The following KIAA1549 variants were observed in gnomAD, a reference collection of about 807,000 sequenced individuals.
KIAA1549 encodes KIAA1549.
Under a neutral mutation model 156.4 loss-of-function variants are expected in KIAA1549, and 70 were observed. That is an observed-to-expected ratio of 0.45 (90% confidence interval 0.37 to 0.55). KIAA1549 has a LOEUF of 0.55. Ranked by LOEUF, KIAA1549 falls within the 20% of genes least tolerant of loss-of-function variation. The pLI is 0.00. For synonymous variants in KIAA1549, 1,103 were observed against 1,066.4 expected, an observed-to-expected ratio of 1.03 and a Z score of -0.67; for missense variants, 2,428 against 2,540.9, an observed-to-expected ratio of 0.96 and a Z score of 0.96.
chr7:138,969,965 T>G (rs1814169758), intron 1 of KIAA1549, among the ~76,000 whole-genome samples: 1 of 152,240 alleles, frequency 6.6e-6, no homozygotes, highest in Non-Finnish European at 1.5e-5. Context: ...TTATCCTTTG[T>G]GTTACAAACA....
intron 18 of KIAA1549, among the ~76,000 whole-genome samples, chr7:138,842,316 C>T (rs1274887576): frequency 2.6e-5 from 4 of 152,168 alleles, no homozygotes; most frequent in Non-Finnish European, 4.4e-5. Flanking sequence ...GCTCAGCCAT[C>T]GACAAGCCAT....
intron 15 of KIAA1549, among the ~76,000 whole-genome samples, chr7:138,863,492 G>A (rs1202112046): frequency 1.3e-5 from 2 of 152,118 alleles, no homozygotes; most frequent in Non-Finnish European, 1.5e-5. Flanking sequence ...ACTCCAAACT[G>A]AGAGAGGACC....
At chr7:138,882,090 A>T (rs1334202898) in intron 10 of KIAA1549, among the ~76,000 whole-genome samples, 1 of 152,258 alleles carries the variant, frequency 6.6e-6, no homozygotes, top group Non-Finnish European at 1.5e-5. Flanking sequence ...CAAAAACGCC[A>T]GCTTCTGGAG....
chr7:138,844,180 A>T, intron 18 of KIAA1549, 137 bp downstream of exon 18: 3 of 954,326 alleles, frequency 3.1e-6, no homozygotes, highest in East Asian at 2.6e-5. Context: ...CATCTCGGTC[A>T]GGATATGAGG....
chr7:138,878,323 C>T (rs375657536), intron 12 of KIAA1549, among the ~76,000 whole-genome samples: 21 of 152,250 alleles, frequency 1.4e-4, no homozygotes, highest in Non-Finnish European at 2.1e-4. Flanking sequence ...GAGCCACCCG[C>T]GAGGCCACAA....
At chr7:138,968,675 G>A (rs1035879914) in intron 1 of KIAA1549, among the ~76,000 whole-genome samples, 4 of 150,922 alleles carry the variant, frequency 2.7e-5, no homozygotes, top group African/African-American at 7.3e-5. Flanking sequence ...GTGAAACCCC[G>A]TCTCTACTAA....
In KIAA1549 at chr7:138,871,336, C is replaced by T. The variant is rs781740183; in HGVS notation, c.4372G>A (p.Glu1458Lys). Residue 1458 changes from glutamate to lysine, a missense_variant, in exon 13 of 20, where the codon GAG (glutamate) becomes AAG (lysine). Around this residue, in one of 5 missense-constraint regions of KIAA1549, gnomAD observed 404 missense variants for 417.0 expected, o/e 0.97. Coordinates refer to ENST00000422774, the MANE Select transcript of KIAA1549 (RefSeq NM_001164665.2). The part of the protein sequence containing the change: ...SGPPLPSSGN[E>K]QHSSASIFEH... ...AAGATGGAGGCTGATGAGTGCTGCTCATTTCCCGAACTGGGCAGTGGTGGC... is the reference window on the plus strand; with the variant it reads ...AAGATGGAGGCTGATGAGTGCTGCTTATTTCCCGAACTGGGCAGTGGTGGC... 3.5e-5 allele frequency: 55 copies of T among 1,571,308 alleles called. No homozygotes were observed. In the East Asian group the frequency reaches 1.0e-3, roughly 29 times the overall value.
At chr7:138,956,461 T>G (rs1347489811) in intron 1 of KIAA1549, among the ~76,000 whole-genome samples, 2 of 152,314 alleles carry the variant, frequency 1.3e-5, no homozygotes, top group Non-Finnish European at 2.9e-5. Context: ...AATTCCCATG[T>G]GTTGTGGGAG....
Position 138,931,074 on chromosome 7 carries a change from G to A in KIAA1549, c.188-11636C>T, listed in dbSNP as rs79326760. 6.5e-3 allele frequency among the ~76,000 whole-genome samples: 984 copies of A among 152,294 alleles called. 5 individuals carry two copies. Among genetic ancestry groups the A allele is most frequent in the African/African-American group, 0.022 (926 of 41,562 alleles). ...AGGAGAGGGAGAGAGACAGGAGAAC[G>A]ACTGGTGAGTTGAGCAGTTAGGACA... On this transcript the variant is annotated intron_variant, in intron 1 of 19. Coordinates refer to ENST00000422774, the MANE Select transcript of KIAA1549 (RefSeq NM_001164665.2).
At chr7:138,974,580 C>T (rs1814316056) in intron 1 of KIAA1549, among the ~76,000 whole-genome samples, 1 of 151,810 alleles carries the variant, frequency 6.6e-6, no homozygotes, top group South Asian at 2.1e-4. Context: ...CACTACCATG[C>T]CTGGCTATTT....
chr7:138,891,603 A>T (rs10276654), intron 10 of KIAA1549, among the ~76,000 whole-genome samples: 1 of 152,326 alleles, frequency 6.6e-6, no homozygotes, highest in East Asian at 1.9e-4. Context: ...ACTCCCAGAC[A>T]ATCTGAAGAG....
chr7:138,950,025 A>G (rs1049753426), intron 1 of KIAA1549, among the ~76,000 whole-genome samples: 3 of 152,202 alleles, frequency 2.0e-5, no homozygotes, highest in African/African-American at 7.2e-5. Context: ...ATGAGCTAAC[A>G]CTTCGTGGTC....
chr7:138,940,148 A>G (rs6962941), intron 1 of KIAA1549, among the ~76,000 whole-genome samples: 2 of 151,714 alleles, frequency 1.3e-5, no homozygotes, highest in Admixed American at 1.3e-4. Flanking sequence ...ATATCTCCCA[A>G]TGCTATCCCT....
At chr7:138,960,663 G>A (rs1045096052) in intron 1 of KIAA1549, among the ~76,000 whole-genome samples, 5 of 152,168 alleles carry the variant, frequency 3.3e-5, no homozygotes, top group African/African-American at 9.7e-5. Flanking sequence ...CACCAGCAAA[G>A]GGCTGAACCT....
intron 1 of KIAA1549, among the ~76,000 whole-genome samples, chr7:138,943,083 C>T (rs955791283): frequency 1.3e-5 from 2 of 152,166 alleles, no homozygotes; most frequent in East Asian, 1.9e-4. Context: ...CCCTCCACCG[C>T]GAGGAAGCTA....
chr7:138,939,279 G>A (rs1436814969), intron 1 of KIAA1549, among the ~76,000 whole-genome samples: 1 of 152,036 alleles, frequency 6.6e-6, no homozygotes, highest in Non-Finnish European at 1.5e-5. Context: ...TTCAAACTTG[G>A]TTTTCCTTGG....
intron 15 of KIAA1549, among the ~76,000 whole-genome samples, chr7:138,865,812 T>C (rs535962808): frequency 1.3e-5 from 2 of 152,204 alleles, no homozygotes; most frequent in East Asian, 3.9e-4. Context: ...TTCCTCCCCA[T>C]ACAAAACTCA....
At chr7:138,909,892 A>G (rs1026795202) in intron 4 of KIAA1549, among the ~76,000 whole-genome samples, 13 of 152,178 alleles carry the variant, frequency 8.5e-5, no homozygotes, top group Non-Finnish European at 1.0e-4. Flanking sequence ...GGTTGCAGTG[A>G]GCAGAGATCG....
At chr7:138,905,554 T>C (rs1265457236) in intron 6 of KIAA1549, among the ~76,000 whole-genome samples, 1 of 152,232 alleles carries the variant, frequency 6.6e-6, no homozygotes, top group African/African-American at 2.4e-5. Context: ...TTTATCTCTG[T>C]CTACTTTCAT....
Sources: gnomAD v4.1 joint callset for allele counts (sites outside exome capture counted in the v4.1 genomes callset) on GRCh38, gnomAD v4.1.1 for gene constraint, gnomAD v4.1.1 regional missense constraint, MANE v1.5 for transcripts, NCBI Gene and HGNC (gene_info 2026-07-23, HGNC 2026-07-21) for gene names.